Variants in NFS1 observed in about 807,000 individuals in gnomAD.
NFS1 encodes the protein NFS1 cysteine desulfurase, also known as cysteine desulfurase.
NFS1 carries 26 observed loss-of-function variants against 57.3 expected under a neutral mutation model. The ratio of observed to expected loss-of-function variants is 0.45; its 90% CI spans 0.33 to 0.63. The LOEUF (loss-of-function observed/expected upper bound fraction) is 0.63. NFS1 is among the 20% of genes least tolerant of loss of function. NFS1 has a pLI of 0.02. For synonymous variants in NFS1, 209 were observed against 216.3 expected (o/e 0.97, Z 0.30); for missense variants, 505 against 605.8 (o/e 0.83, Z 1.75).
chr20:35,673,476 T>G, intron 11 of NFS1, 125 bp downstream of exon 11: 1 of 727,372 alleles, frequency 1.4e-6, no homozygotes, highest in Non-Finnish European at 2.3e-6. Context: ...TTCACAAGGT[T>G]ATGAGAAGAG....
chr20:35,673,755 T>C (rs2034695712), intron 10 of NFS1, 71 bp from the exon 11 acceptor site: 1 of 1,274,042 alleles, frequency 7.8e-7, no homozygotes, highest in African/African-American at 1.5e-5. Context: ...CCCTCAGTCT[T>C]GTTCCCATCC....
At position 35,668,932 on chromosome 20, in the gene NFS1, A is replaced by T. The variant is rs2034608607; in HGVS notation, c.*690T>A. 1 of 152,226 alleles carries T rather than the reference A, an allele frequency of 6.6e-6. No homozygotes were observed. Among genetic ancestry groups the T allele is most frequent in the Admixed American group, 6.5e-5 (1 of 15,284 alleles). 9.4% of individuals were successfully genotyped at this position (152,226 alleles called of 1,614,324 possible). ...TCCACAATTCCCAAGTACAGCTTCCACTTTTCCCTCAACCTCTCATAAAGT... is the reference window on the plus strand; with the variant it reads ...TCCACAATTCCCAAGTACAGCTTCCTCTTTTCCCTCAACCTCTCATAAAGT... On this transcript the variant is annotated 3_prime_UTR_variant, in exon 13 of 13. Transcript: ENST00000374092.
In NFS1 at chr20:35,672,849, A is replaced by T. The variant is rs1386952869; in HGVS notation, c.1221-5T>A. 6.3e-7 allele frequency: 1 copy of T among 1,583,364 alleles called. No homozygotes were observed. The highest frequency in any genetic ancestry group is 8.6e-7 in the Non-Finnish European group (1 of 1,161,910). ...GTGAAGCGGCCAATTCCAAACCTGA[A>T]AAAAGGCACAGGAGAATGGCTCCCC... On this transcript the variant is annotated splice_region_variant and splice_polypyrimidine_tract_variant and intron_variant, in intron 11 of 12. Coordinates refer to ENST00000374092, the MANE Select transcript of NFS1 (RefSeq NM_021100.5).
At chr20:35,688,149 T>C (rs1157980736) in intron 5 of NFS1, among the ~76,000 whole-genome samples, 1 of 151,888 alleles carries the variant, frequency 6.6e-6, no homozygotes, top group Non-Finnish European at 1.5e-5. Context: ...CTTGAGAGGC[T>C]GAGGCAGGAG....
intron 7 of NFS1, among the ~76,000 whole-genome samples, chr20:35,679,244 T>C (rs7363254): frequency 1.3e-5 from 2 of 152,208 alleles, no homozygotes; most frequent in African/African-American, 4.8e-5. Flanking sequence ...CAGGCAGTGG[T>C]GTGATCTCGG....
At chr20:35,686,699 A>T (rs1403643200) in intron 5 of NFS1, among the ~76,000 whole-genome samples, 1 of 152,208 alleles carries the variant, frequency 6.6e-6, no homozygotes, top group Admixed American at 6.5e-5. Context: ...TGTGCAGGAC[A>T]CACTGGAAGG....
At chr20:35,676,332 A>C (rs1250563812) in intron 7 of NFS1, 1 of 151,888 alleles carries the variant, frequency 6.6e-6, no homozygotes, top group African/African-American at 2.4e-5. Flanking sequence ...TCACACCTGT[A>C]ATCCCAGTGC....
At chr20:35,698,839 T>A in intron 1 of NFS1, 1 of 1,362,712 alleles carries the variant, frequency 7.3e-7, no homozygotes, top group South Asian at 1.8e-5. Context: ...GAAGGAAGGC[T>A]CTAAAGGGCA....
intron 6 of NFS1, among the ~76,000 whole-genome samples, chr20:35,681,346 C>G (rs1354454799): frequency 1.3e-5 from 2 of 152,100 alleles, no homozygotes; most frequent in African/African-American, 4.8e-5. Context: ...GAGTAGCAGG[C>G]TTTTTTGTTT....
Position 35,699,248 on chromosome 20 carries a change from A to G in NFS1, c.41T>C (p.Val14Ala). The G allele has an allele frequency of 1.4e-6, 2 of 1,426,526 alleles. No homozygotes were observed. The highest frequency in any genetic ancestry group is 1.8e-6 in the Non-Finnish European group (2 of 1,099,214). 88.4% of individuals were successfully genotyped at this position (1,426,526 alleles called of 1,614,324 possible). ...GGGCTTCGGCCCTGGAGCCGCTGTC[A>G]CCGCCACTGCCGCCCGCCTCCAAGC... The part of the protein sequence containing the change: ...RAAWRRAAVA[V>A]TAAPGPKPAA... The change falls in exon 1 of 13, where the codon GTG (valine) becomes GCG (alanine). Residue 14 changes from valine (V) to alanine (A), a missense_variant. Val to Ala is a moderately conservative substitution (Grantham distance 64). Transcript: ENST00000374092. This position sits in a 1 kb window ranked among gnomAD's most constrained non-coding sequence, Gnocchi z 4.4.
chr20:35,671,167 G>A (rs1267691192), intron 12 of NFS1, among the ~76,000 whole-genome samples: 2 of 152,152 alleles, frequency 1.3e-5, no homozygotes, highest in African/African-American at 4.8e-5. Flanking sequence ...GCAGTGGTGC[G>A]ATCTCAGCTC....
intron 12 of NFS1, among the ~76,000 whole-genome samples, chr20:35,670,644 G>C (rs1316671224): frequency 6.6e-6 from 1 of 152,140 alleles, no homozygotes; most frequent in African/African-American, 2.4e-5. Flanking sequence ...GACTCTGAGA[G>C]CTAATAGGAC....
At chr20:35,673,515 C>G (rs2034691339) in intron 11 of NFS1, 86 bp downstream of exon 11, 1 of 1,172,466 alleles carries the variant, frequency 8.5e-7, no homozygotes, top group East Asian at 2.4e-5. Context: ...AGAAAAACTT[C>G]AGGGTGGAAA....
chr20:35,671,658 G>A (rs1038743934), intron 12 of NFS1, among the ~76,000 whole-genome samples: 1 of 152,068 alleles, frequency 6.6e-6, no homozygotes. Flanking sequence ...GGGAGGCCAA[G>A]ACAGGAGGAC....
At chr20:35,684,411 TAAATAAAATA>T (rs60162682) in intron 5 of NFS1, among the ~76,000 whole-genome samples, 7,556 of 124,310 alleles carry the variant, frequency 0.061, 302 homozygotes, top group South Asian at 0.15. Context: ...CCATCTCAAA[TAAATAAAATA>T]AAATAAAATA....
At chr20:35,696,832 C>A (rs2035142371) in intron 3 of NFS1, among the ~76,000 whole-genome samples, 1 of 152,030 alleles carries the variant, frequency 6.6e-6, no homozygotes, top group Non-Finnish European at 1.5e-5. Context: ...TTAGGCCGGG[C>A]ATGGTGGCTC....
At chr20:35,674,111 T>C (rs956411786) in intron 10 of NFS1, 4 of 529,754 alleles carry the variant, frequency 7.6e-6, no homozygotes, top group Non-Finnish European at 1.4e-5. Flanking sequence ...AACAGACACA[T>C]ACATCCCCTG....
intron 7 of NFS1, among the ~76,000 whole-genome samples, chr20:35,678,842 G>A (rs1164147180): frequency 6.6e-6 from 1 of 152,194 alleles, no homozygotes; most frequent in Non-Finnish European, 1.5e-5. Flanking sequence ...CTGAGCAACA[G>A]AGTGAGACCT....
intron 10 of NFS1, 155 bp downstream of exon 10, chr20:35,674,195 C>T (rs1344720535): frequency 1.5e-6 from 1 of 668,700 alleles, no homozygotes; most frequent in Non-Finnish European, 2.6e-6. Flanking sequence ...TACCCAGCTA[C>T]CCAGCCAACC....
Sources: gnomAD v4.1 joint callset for allele counts (sites outside exome capture counted in the v4.1 genomes callset) on GRCh38, gnomAD v4.1.1 for gene constraint, Gnocchi (gnomAD v3.1) non-coding constraint, MANE v1.5 for transcripts, NCBI Gene and HGNC (gene_info 2026-07-23, HGNC 2026-07-21) for gene names.